Variants in SH3RF3 observed in about 807,000 individuals in gnomAD.
SH3RF3 encodes E3 ubiquitin-protein ligase SH3RF3.
In SH3RF3, 29 loss-of-function variants were observed where a neutral mutation model predicts 66.3. The observed-to-expected ratio is 0.44, with a 90% confidence interval of 0.33 to 0.60. The LOEUF (loss-of-function observed/expected upper bound fraction) is 0.60, where lower values mean the gene tolerates loss of function less well. Ranked by LOEUF, SH3RF3 falls within the 20% of genes least tolerant of loss-of-function variation. SH3RF3 has a pLI of 0.04. For synonymous variants in SH3RF3, 583 were observed against 532.0 expected (o/e 1.10, Z -1.32); for missense variants, 1,194 against 1,190.9 (o/e 1.00, Z -0.04).
chr2:109,356,806 G>C (rs1394704784), intron 2 of SH3RF3, among the ~76,000 whole-genome samples: 8 of 152,120 alleles, frequency 5.3e-5, no homozygotes, highest in Non-Finnish European at 8.8e-5. Flanking sequence ...CTGGGTGACT[G>C]AAAATAAGCC....
chr2:109,453,846 C>T (rs1226182807), intron 8 of SH3RF3, among the ~76,000 whole-genome samples: 13 of 152,140 alleles, frequency 8.5e-5, no homozygotes, highest in Non-Finnish European at 1.0e-4. Flanking sequence ...GGAGACTTCC[C>T]GGGGCACAGA....
At position 109,463,617 on chromosome 2, in the gene SH3RF3, A is replaced by T. The variant is rs527689577; in HGVS notation, c.2148+14128A>T. The stretch of plus-strand genomic sequence containing the variant: ...TTGTGCAACTTGGTAACAAACAGGG[A>T]CTCTGGAAGCAATGGGGAAGAAGCC... On this transcript the variant is annotated intron_variant, in intron 8 of 9. Coordinates refer to ENST00000309415, the MANE Select transcript of SH3RF3 (RefSeq NM_001099289.3). Among the ~76,000 whole-genome samples, 11 of 152,192 alleles carry T rather than the reference A, an allele frequency of 7.2e-5. No individual in the cohort carries two copies. In the South Asian group the frequency reaches 2.3e-3, roughly 32 times the overall value.
At chr2:109,373,797 T>A (rs1349772331) in intron 3 of SH3RF3, among the ~76,000 whole-genome samples, 2 of 152,108 alleles carry the variant, frequency 1.3e-5, no homozygotes, top group Non-Finnish European at 2.9e-5. Context: ...GAGCAAATCT[T>A]AAAGGACAGG....
At chr2:109,494,014 G>A (rs1016309007) in intron 9 of SH3RF3, among the ~76,000 whole-genome samples, 1 of 152,092 alleles carries the variant, frequency 6.6e-6, no homozygotes, top group Admixed American at 6.5e-5. Context: ...ATGGGTCCTG[G>A]CCCTTGTCTG....
At chr2:109,415,747 G>A (rs1573233604) in intron 4 of SH3RF3, among the ~76,000 whole-genome samples, 1 of 152,234 alleles carries the variant, frequency 6.6e-6, no homozygotes, top group East Asian at 1.9e-4. Flanking sequence ...CACTTCATCT[G>A]GCCTCCCACC....
At chr2:109,179,957 T>G (rs1243385198) in intron 1 of SH3RF3, among the ~76,000 whole-genome samples, 1 of 51,962 alleles carries the variant, frequency 1.9e-5, no homozygotes, top group African/African-American at 5.9e-5. Context: ...GCTGGATCAT[T>G]TGGACCCAAA....
chr2:109,441,282 AG>A (rs1356211909), intron 7 of SH3RF3, among the ~76,000 whole-genome samples: 1 of 152,226 alleles, frequency 6.6e-6, no homozygotes, highest in Non-Finnish European at 1.5e-5. Context: ...AAATTGACAT[AG>A]ATGTTGCAAA....
At chr2:109,427,228 C>T (rs1333789308) in intron 5 of SH3RF3, among the ~76,000 whole-genome samples, 2 of 152,142 alleles carry the variant, frequency 1.3e-5, no homozygotes, top group African/African-American at 2.4e-5. Context: ...CTCAGGCTAC[C>T]AAAGTGCTGG....
chr2:109,465,014 T>TAA (rs1678302443), intron 8 of SH3RF3, among the ~76,000 whole-genome samples: 1 of 152,242 alleles, frequency 6.6e-6, no homozygotes, highest in African/African-American at 2.4e-5. Context: ...CTGACCTTTT[T>TAA]ACTGCCTTCA....
At chr2:109,350,898 G>A (rs992288999) in intron 2 of SH3RF3, among the ~76,000 whole-genome samples, 32 of 152,178 alleles carry the variant, frequency 2.1e-4, no homozygotes, top group African/African-American at 7.2e-4. Context: ...AAGCTACAAT[G>A]GTATAACCTG....
chr2:109,300,199 AT>A, intron 1 of SH3RF3, among the ~76,000 whole-genome samples: 1 of 151,418 alleles, frequency 6.6e-6, no homozygotes, highest in East Asian at 1.9e-4. Flanking sequence ...GCATCCTGAA[AT>A]TTTTTTTTCT....
chr2:109,212,721 A>G (rs553503560), intron 1 of SH3RF3, among the ~76,000 whole-genome samples: 1 of 152,274 alleles, frequency 6.6e-6, no homozygotes, highest in African/African-American at 2.4e-5. Flanking sequence ...TATAATAAAG[A>G]CCCATTCTCT....
rs781071705 is a variant in SH3RF3, at chr2:109,303,443, CT to C, written c.574-44230del. Among the ~76,000 whole-genome samples the C allele has an allele frequency of 5.3e-5, 8 of 152,260 alleles. No individual in the cohort carries two copies. The East Asian group carries it at 1.2e-3, about 22-fold the overall frequency. ...TAATGTAGGATGATCTTTGTGTAGA[CT>C]GGTACATGGCAGAACACTAAGAAGA... On this transcript the variant is annotated intron_variant, in intron 1 of 9. Transcript: ENST00000309415.
At chr2:109,215,750 G>C (rs574075654) in intron 1 of SH3RF3, among the ~76,000 whole-genome samples, 1 of 152,320 alleles carries the variant, frequency 6.6e-6, no homozygotes, top group East Asian at 1.9e-4. Context: ...TCTAATGGGG[G>C]ACATCGCTGC....
intron 8 of SH3RF3, among the ~76,000 whole-genome samples, chr2:109,455,514 A>G (rs1371895417): frequency 1.7e-5 from 2 of 117,574 alleles, no homozygotes; most frequent in African/African-American, 3.1e-5. Context: ...TGTATATCTC[A>G]TATATGTGTG....
rs1194161916 is a variant in SH3RF3, at chr2:109,129,306, C to G, written c.-235C>G. 1 of 762,102 alleles carries G rather than the reference C, an allele frequency of 1.3e-6. No individual in the cohort carries two copies. Among genetic ancestry groups the G allele is most frequent in the Non-Finnish European group, 2.1e-6 (1 of 471,658 alleles). The allele number at this position is 762,102 out of a possible 1,614,324, so 47.2% of individuals were successfully genotyped here. A position where few individuals can be genotyped will look rare whatever the true frequency, so the allele number is the denominator to read the frequency against. ...AGCCCGCAGCCGCAGGCGCTGCGCT[C>G]AGGACTGGGCGGGCTCGGCTGGCCG... is the stretch of plus-strand genomic sequence containing the variant. On this transcript the variant is annotated 5_prime_UTR_variant, in exon 1 of 10. Transcript: ENST00000309415.
At chr2:109,347,518 G>C (rs1354847636) in intron 1 of SH3RF3, among the ~76,000 whole-genome samples, 156 bp from the exon 2 acceptor site, 1 of 152,118 alleles carries the variant, frequency 6.6e-6, no homozygotes, top group Non-Finnish European at 1.5e-5. Context: ...CCTGTGACAG[G>C]CTGTTTCTTT....
In SH3RF3 at chr2:109,296,872, G is replaced by A. The variant is rs539597907; in HGVS notation, c.574-50802G>A. ...CTCACCTCCTGACAGCACTGCTATAGCATTGCCAGATGTTATTTTGAGTTT... is the reference window on the plus strand; with the variant it reads ...CTCACCTCCTGACAGCACTGCTATAACATTGCCAGATGTTATTTTGAGTTT... On this transcript the variant is annotated intron_variant, in intron 1 of 9. Coordinates refer to ENST00000309415, the MANE Select transcript of SH3RF3 (RefSeq NM_001099289.3). Among the ~76,000 whole-genome samples the A allele has an allele frequency of 4.1e-4, 62 of 152,318 alleles. 1 individual carries two copies. In the South Asian group the frequency reaches 0.012, roughly 30 times the overall value.
intron 1 of SH3RF3, among the ~76,000 whole-genome samples, chr2:109,267,956 C>T (rs369636422): frequency 1.3e-5 from 2 of 151,900 alleles, no homozygotes; most frequent in African/African-American, 4.8e-5. Flanking sequence ...GACAGAGCAC[C>T]CCAGCTCTCA....
Sources: gnomAD v4.1 joint callset for allele counts (sites outside exome capture counted in the v4.1 genomes callset) on GRCh38, gnomAD v4.1.1 for gene constraint, MANE v1.5 for transcripts, NCBI Gene and HGNC (gene_info 2026-07-23, HGNC 2026-07-21) for gene names.